CACHD1: variants seen among roughly 807,000 people sequenced by gnomAD.
CACHD1 encodes VWFA and cache domain-containing protein 1.
CACHD1 carries 71 observed loss-of-function variants against 138.7 expected under a neutral mutation model. The ratio of observed to expected loss-of-function variants is 0.51; its 90% CI spans 0.42 to 0.62. CACHD1 has a LOEUF of 0.62. CACHD1 is among the 20% of genes least tolerant of loss of function. The probability of loss-of-function intolerance (pLI) is 0.00; values close to 1 mark genes in which losing one functional copy is unlikely to be tolerated. For missense variants in CACHD1, 1,389 were observed against 1,625.3 expected (o/e 0.85, Z 2.50); for synonymous variants, 578 against 591.5 (o/e 0.98, Z 0.33).
chr1:64,629,793 A>T (rs951432908), intron 5 of CACHD1, among the ~76,000 whole-genome samples: 1 of 152,146 alleles, frequency 6.6e-6, no homozygotes, highest in African/African-American at 2.4e-5. Context: ...AATGTAAATG[A>T]TGGTACCTTA....
At chr1:64,599,053 CT>C (rs1647188685) in intron 3 of CACHD1, among the ~76,000 whole-genome samples, 1 of 151,906 alleles carries the variant, frequency 6.6e-6, no homozygotes, top group African/African-American at 2.4e-5. Flanking sequence ...TGCCTTACCC[CT>C]GTCACTGAGG....
At chr1:64,549,155 T>TGGTAAA (rs1557487745) in intron 1 of CACHD1, among the ~76,000 whole-genome samples, 2 of 152,308 alleles carry the variant, frequency 1.3e-5, no homozygotes, top group East Asian at 3.9e-4. Flanking sequence ...TAAATATGCT[T>TGGTAAA]CAGTTTCCTC....
chr1:64,540,064 G>C (rs560024807), intron 1 of CACHD1, among the ~76,000 whole-genome samples: 1 of 152,110 alleles, frequency 6.6e-6, no homozygotes, highest in Non-Finnish European at 1.5e-5. Context: ...GATTGATTGC[G>C]TGAGACAGTA....
chr1:64,637,532 C>G (rs538302221), intron 7 of CACHD1, among the ~76,000 whole-genome samples: 3 of 152,222 alleles, frequency 2.0e-5, no homozygotes, highest in East Asian at 1.9e-4. Context: ...CACAGACATT[C>G]CTGCACTGCA....
intron 26 of CACHD1, among the ~76,000 whole-genome samples, chr1:64,684,958 T>TGC (rs1650319004): frequency 6.6e-6 from 1 of 152,116 alleles, no homozygotes. Context: ...TACAGGCACA[T>TGC]GCCACCATGC....
intron 9 of CACHD1, among the ~76,000 whole-genome samples, chr1:64,649,502 TGAGTGCCA>T (rs1649019914): frequency 6.6e-6 from 1 of 152,200 alleles, no homozygotes; most frequent in East Asian, 1.9e-4. Flanking sequence ...CTTACATTAC[TGAGTGCCA>T]GCCAAGCATT....
rs897076371 is a variant in CACHD1 at position 64,473,279 on chromosome 1, A to T, written c.198+2337A>T. Among the ~76,000 whole-genome samples the T allele has an allele frequency of 3.3e-5, 5 of 152,306 alleles. No homozygotes were observed. In the East Asian group the frequency reaches 9.7e-4, roughly 29 times the overall value. On this transcript the variant is annotated intron_variant, in intron 1 of 26. Transcript: ENST00000651257. ...ATCTGCCACTTGCTTCTAACTGGGA[A>T]AATTGCAGAAAGTGTCTCTTTTTAA...
chr1:64,566,486 C>CCCCT (rs1414239011), intron 2 of CACHD1, among the ~76,000 whole-genome samples: 1 of 143,522 alleles, frequency 7.0e-6, no homozygotes, highest in Non-Finnish European at 1.6e-5. Flanking sequence ...AATTCCCCCC[C>CCCCT]CCCCACAAGG....
rs1052947521 is a variant in CACHD1 at position 64,629,437 on chromosome 1, A to G, written c.600A>G (p.Pro200=). The stretch of plus-strand genomic sequence containing the variant: ...AAGAAGGAATTTTCACTGTTTTCCC[A>G]GCACACAAGTTCCGGTGTAAGGGCA... The part of the protein sequence containing the change: ...SSEEGIFTVF[P]AHKFRCKGSY... Residue 200 remains proline (P), a synonymous_variant, in exon 5 of 27, where the codon CCA becomes CCG. Coordinates refer to ENST00000651257, the MANE Select transcript of CACHD1 (RefSeq NM_020925.4). 1.2e-6 allele frequency: 2 copies of G among 1,614,188 alleles called. No homozygotes were observed. The highest frequency in any genetic ancestry group is 1.7e-6 in the Non-Finnish European group (2 of 1,179,984).
chr1:64,490,440 T>G (rs1418100195), intron 1 of CACHD1, among the ~76,000 whole-genome samples: 1 of 152,198 alleles, frequency 6.6e-6, no homozygotes, highest in Non-Finnish European at 1.5e-5. Flanking sequence ...GCCATTTACA[T>G]CAAACACTCA....
At chr1:64,476,829 A>G (rs1055208412) in intron 1 of CACHD1, among the ~76,000 whole-genome samples, 3 of 152,178 alleles carry the variant, frequency 2.0e-5, no homozygotes, top group Non-Finnish European at 4.4e-5. Context: ...TTTTACACTT[A>G]GTAACATGTT....
intron 1 of CACHD1, among the ~76,000 whole-genome samples, chr1:64,532,355 T>C (rs936343216): frequency 3.3e-5 from 5 of 152,186 alleles, no homozygotes; most frequent in East Asian, 3.8e-4. Context: ...AAAGCCCTCG[T>C]GCTCATGCAG....
intron 16 of CACHD1, 100 bp from the exon 17 acceptor site, chr1:64,671,464 A>G (rs1405797492): frequency 2.6e-5 from 31 of 1,213,276 alleles, no homozygotes; most frequent in African/African-American, 7.4e-5. Context: ...GAACAGTGGG[A>G]AGGTATTTCT....
intron 1 of CACHD1, among the ~76,000 whole-genome samples, chr1:64,519,133 C>T (rs1570324750): frequency 6.6e-6 from 1 of 152,162 alleles, no homozygotes; most frequent in South Asian, 2.1e-4. Flanking sequence ...TTTTTAATCT[C>T]ATTAACCCCT....
intron 1 of CACHD1, among the ~76,000 whole-genome samples, chr1:64,490,587 G>A (rs1646269388): frequency 6.6e-6 from 1 of 152,158 alleles, no homozygotes. Flanking sequence ...ACATCTGAGG[G>A]GAGAGAATGT....
chr1:64,659,406 A>T (rs1649371107), intron 13 of CACHD1, among the ~76,000 whole-genome samples: 1 of 152,222 alleles, frequency 6.6e-6, no homozygotes. Flanking sequence ...GGGGTAGAAT[A>T]ACAGTAAAAG....
Position 64,652,229 on chromosome 1 carries a change from GT to G in CACHD1, c.1460del (p.Val487GlyfsTer10). On this transcript the variant is annotated frameshift_variant, in exon 10 of 27. Transcript: ENST00000651257. LOFTEE classifies it high-confidence loss of function. ...NLLLGIVGVD[V>X]NLAYILEDVT... The stretch of plus-strand genomic sequence containing the variant: ...ACTTCTGGGAATTGTAGGTGTGGAC[GT>G]GAATCTGGCTTACATTCTTGAAGAC... 1 of 1,613,670 alleles carries G rather than the reference GT, an allele frequency of 6.2e-7. No individual in the cohort carries two copies. Among genetic ancestry groups the G allele is most frequent in the Non-Finnish European group, 8.5e-7 (1 of 1,179,658 alleles).
intron 24 of CACHD1, among the ~76,000 whole-genome samples, chr1:64,680,064 C>T (rs552013846): frequency 2.6e-5 from 4 of 152,290 alleles, no homozygotes; most frequent in Non-Finnish European, 4.4e-5. Flanking sequence ...ATGTGCTGCC[C>T]TTGCAATTCC....
chr1:64,618,669 G>A (rs1647801270), intron 4 of CACHD1, among the ~76,000 whole-genome samples: 1 of 152,142 alleles, frequency 6.6e-6, no homozygotes. Flanking sequence ...ACAGTATGAT[G>A]CCAGAAATTT....
Sources: allele counts gnomAD v4.1 joint callset (sites outside exome capture counted in the v4.1 genomes callset), GRCh38; gene constraint gnomAD v4.1.1; transcripts MANE v1.5; gene names NCBI Gene and HGNC (gene_info 2026-07-23, HGNC 2026-07-21).